Variants in NALF1 observed in about 807,000 individuals in gnomAD.
The protein encoded by NALF1 is NALCN channel auxiliary factor 1.
In NALF1, 3 loss-of-function variants were observed where a neutral mutation model predicts 48.4. That is an observed-to-expected ratio of 0.06 (90% CI 0.03 to 0.16). The LOEUF (loss-of-function observed/expected upper bound fraction) is 0.16, where lower values mean the gene tolerates loss of function less well. Among genes scored for constraint, NALF1 ranks in the 10% least tolerant of loss-of-function variants. The pLI is 1.00. For synonymous variants in NALF1, 262 were observed against 245.7 expected (o/e 1.07, Z -0.62); for missense variants, 526 against 571.5 (o/e 0.92, Z 0.81).
intron 2 of NALF1, among the ~76,000 whole-genome samples, chr13:107,182,677 T>C (rs887395653): frequency 2.6e-5 from 4 of 152,270 alleles, no homozygotes; most frequent in Non-Finnish European, 5.9e-5. Flanking sequence ...CTTGAACTTA[T>C]ATTTGTCTAC....
chr13:107,530,194 G>A (rs1423821497), intron 1 of NALF1, among the ~76,000 whole-genome samples: 1 of 152,026 alleles, frequency 6.6e-6, no homozygotes, highest in Non-Finnish European at 1.5e-5. Context: ...ATGCTTTATA[G>A]CTCAGTCATC....
chr13:107,507,581 G>T (rs1441374351), intron 1 of NALF1, among the ~76,000 whole-genome samples: 2 of 102,260 alleles, frequency 2.0e-5, no homozygotes, highest in African/African-American at 4.0e-5. Flanking sequence ...ATGCCTAGAT[G>T]TTTATTCTCC....
At chr13:107,437,577 G>A (rs1364903207) in intron 1 of NALF1, among the ~76,000 whole-genome samples, 1 of 152,096 alleles carries the variant, frequency 6.6e-6, no homozygotes, top group African/African-American at 2.4e-5. Context: ...AAGCAGCTAC[G>A]GACATACAAC....
intron 1 of NALF1, among the ~76,000 whole-genome samples, chr13:107,836,051 A>T (rs1197473049): frequency 6.6e-6 from 1 of 152,118 alleles, no homozygotes; most frequent in Non-Finnish European, 1.5e-5. Context: ...GAGTGCAATG[A>T]TGCGATCATA....
chr13:107,432,415 T>C (rs897635886), intron 1 of NALF1, among the ~76,000 whole-genome samples: 44 of 152,218 alleles, frequency 2.9e-4, no homozygotes, highest in African/African-American at 1.0e-3. Context: ...TCAGTGCCTC[T>C]CAACCTTGGC....
At chr13:107,227,891 T>A (rs1244256572) in intron 1 of NALF1, among the ~76,000 whole-genome samples, 1 of 152,174 alleles carries the variant, frequency 6.6e-6, no homozygotes, top group Non-Finnish European at 1.5e-5. Flanking sequence ...TATAATCAAG[T>A]CTAACAAGAC....
At chr13:107,265,708 C>T (rs529944369) in intron 1 of NALF1, among the ~76,000 whole-genome samples, 14 of 148,294 alleles carry the variant, frequency 9.4e-5, no homozygotes, top group African/African-American at 3.0e-4. Context: ...GCCTGGCCTA[C>T]TTTTTTTTTT....
At chr13:107,726,323 T>G (rs1876149213) in intron 1 of NALF1, among the ~76,000 whole-genome samples, 1 of 152,232 alleles carries the variant, frequency 6.6e-6, no homozygotes, top group African/African-American at 2.4e-5. Flanking sequence ...GACTTACATT[T>G]CAGCATCTCT....
intron 1 of NALF1, among the ~76,000 whole-genome samples, chr13:107,317,680 A>G (rs1318494204): frequency 6.6e-6 from 1 of 152,100 alleles, no homozygotes; most frequent in Non-Finnish European, 1.5e-5. Flanking sequence ...ATAGTAGCAT[A>G]TAACATATGA....
intron 1 of NALF1, among the ~76,000 whole-genome samples, chr13:107,808,713 A>T (rs190297335): frequency 6.6e-6 from 1 of 152,136 alleles, no homozygotes; most frequent in Non-Finnish European, 1.5e-5. Flanking sequence ...TAGGAGAACA[A>T]AGTGGAAAGC....
At chr13:107,274,325 C>T (rs1881235502) in intron 1 of NALF1, among the ~76,000 whole-genome samples, 1 of 152,094 alleles carries the variant, frequency 6.6e-6, no homozygotes. Context: ...AATCTCATTG[C>T]TTTGGGAGGC....
At chr13:107,341,656 T>C (rs1882683993) in intron 1 of NALF1, among the ~76,000 whole-genome samples, 1 of 151,280 alleles carries the variant, frequency 6.6e-6, no homozygotes, top group Non-Finnish European at 1.5e-5. Flanking sequence ...TACATATATA[T>C]GGTTTGTTGT....
intron 1 of NALF1, among the ~76,000 whole-genome samples, chr13:107,267,058 G>C (rs902206700): frequency 6.6e-6 from 1 of 152,190 alleles, no homozygotes; most frequent in East Asian, 1.9e-4. Context: ...CACAAGTCAA[G>C]TGTTCCACTG....
chr13:107,324,978 T>G (rs1384530160), intron 1 of NALF1, among the ~76,000 whole-genome samples: 2 of 152,206 alleles, frequency 1.3e-5, no homozygotes, highest in Non-Finnish European at 2.9e-5. Context: ...TGCCACAAAT[T>G]TGATTTACTG....
chr13:107,766,278 ACAGCAATCTAAAGC>A (rs1485733395), intron 1 of NALF1, among the ~76,000 whole-genome samples: 1 of 152,206 alleles, frequency 6.6e-6, no homozygotes, highest in Non-Finnish European at 1.5e-5. Context: ...TTCATTTTAG[ACAGCAATCTAAAGC>A]CAACAGGGAC....
At chr13:107,657,528 A>C (rs1479510264) in intron 1 of NALF1, among the ~76,000 whole-genome samples, 1 of 152,134 alleles carries the variant, frequency 6.6e-6, no homozygotes, top group African/African-American at 2.4e-5. Context: ...TAAAGAGAAA[A>C]GAAAGTTTAC....
intron 1 of NALF1, among the ~76,000 whole-genome samples, chr13:107,730,860 A>G (rs550397569): frequency 6.6e-6 from 1 of 152,352 alleles, no homozygotes; most frequent in African/African-American, 2.4e-5. Context: ...GCATATGCCG[A>G]AATCCCTGGC....
chr13:107,356,811 G>T (rs1882971186), intron 1 of NALF1, among the ~76,000 whole-genome samples: 1 of 152,164 alleles, frequency 6.6e-6, no homozygotes, highest in South Asian at 2.1e-4. Context: ...GTTCTGTTGT[G>T]GAATCAACCA....
intron 1 of NALF1, among the ~76,000 whole-genome samples, chr13:107,832,634 C>T (rs933977643): frequency 5.3e-5 from 8 of 152,140 alleles, no homozygotes; most frequent in Non-Finnish European, 1.0e-4. Context: ...CAGGGTCCTT[C>T]GCAACTCCTC....
Sources: allele counts gnomAD v4.1 joint callset (sites outside exome capture counted in the v4.1 genomes callset), GRCh38; gene constraint gnomAD v4.1.1; transcripts MANE v1.5; gene names NCBI Gene and HGNC (gene_info 2026-07-23, HGNC 2026-07-21).